Variants in LRP6 observed in about 807,000 individuals in gnomAD.
LRP6 encodes low-density lipoprotein receptor-related protein 6.
LRP6 carries 43 observed loss-of-function variants against 184.1 expected under a neutral mutation model. The ratio of observed to expected loss-of-function variants is 0.23; its 90% confidence interval spans 0.18 to 0.30. The LOEUF is 0.30. Among genes scored for constraint, LRP6 ranks in the 10% least tolerant of loss-of-function variants. LRP6 has a pLI of 1.00. For synonymous variants in LRP6, 719 were observed against 684.9 expected, an observed-to-expected ratio of 1.05 and a Z score of -0.78; for missense variants, 1,571 against 2,005.3, an observed-to-expected ratio of 0.78 and a Z score of 4.14.
At chr12:12,183,453 A>C (rs1013366897) in intron 5 of LRP6, among the ~76,000 whole-genome samples, 1 of 152,224 alleles carries the variant, frequency 6.6e-6, no homozygotes, top group Non-Finnish European at 1.5e-5. Flanking sequence ...GAACAGGCAA[A>C]GTGTGTTTCT....
intron 12 of LRP6, among the ~76,000 whole-genome samples, chr12:12,158,394 T>C (rs989911504): frequency 7.2e-5 from 11 of 152,118 alleles, no homozygotes; most frequent in Admixed American, 2.6e-4. Context: ...GGTGCCACCA[T>C]AGCTCACTGC....
intron 19 of LRP6, among the ~76,000 whole-genome samples, chr12:12,130,188 T>C (rs919736508): frequency 6.7e-6 from 1 of 149,388 alleles, no homozygotes; most frequent in Non-Finnish European, 1.5e-5. Flanking sequence ...TGAATTCTTT[T>C]CTTTTTTTTT....
intron 12 of LRP6, 97 bp downstream of exon 12, chr12:12,158,732 T>C (rs1375129646): frequency 4.1e-6 from 5 of 1,211,528 alleles, no homozygotes; most frequent in Non-Finnish European, 6.0e-6. Flanking sequence ...CCTCTGGATT[T>C]CCACACTATT....
rs1179736734 is a variant in LRP6 at position 12,159,764 on chromosome 12, A to T, written c.2464+16T>A. On this transcript the variant is annotated intron_variant, in intron 11 of 22. Coordinates refer to ENST00000261349, the MANE Select transcript of LRP6 (RefSeq NM_002336.3). ...GGAAAGAATATACTGTTTGAGTAAA[A>T]AGTAGTAAAGCTTACCAAGCATATT... 1 of 1,611,308 alleles carries T rather than the reference A, an allele frequency of 6.2e-7. No individual in the cohort carries two copies. The highest frequency in any genetic ancestry group is 8.5e-7 in the Non-Finnish European group (1 of 1,177,566).
At chr12:12,150,579 G>A (rs549199906) in intron 13 of LRP6, among the ~76,000 whole-genome samples, 9 of 152,228 alleles carry the variant, frequency 5.9e-5, no homozygotes, top group Middle Eastern at 6.8e-3. Context: ...ATAAAGAAAC[G>A]TAGGGGGCAG....
chr12:12,191,154 T>C lies in LRP6; in HGVS notation c.648-4035A>G, dbSNP rs557485313. ...TGAGGTGTTCTGGCCACTTCAAGAG[T>C]AAGTGAATACAATGAATTCATCGTC... On this transcript the variant is annotated intron_variant, in intron 3 of 22. Transcript: ENST00000261349. 3.9e-5 allele frequency among the ~76,000 whole-genome samples: 6 copies of C among 152,124 alleles called. No individual in the cohort carries two copies. The East Asian group carries it at 1.2e-3, about 29-fold the overall frequency.
intron 15 of LRP6, among the ~76,000 whole-genome samples, chr12:12,140,371 A>C (rs905930246): frequency 6.6e-6 from 1 of 152,098 alleles, no homozygotes; most frequent in South Asian, 2.1e-4. Flanking sequence ...TATAACAAAA[A>C]CACAAAGAGA....
At chr12:12,123,357 A>G (rs1034212610) in intron 22 of LRP6, among the ~76,000 whole-genome samples, 10 of 152,198 alleles carry the variant, frequency 6.6e-5, no homozygotes, top group African/African-American at 2.2e-4. Flanking sequence ...ACATTACAAC[A>G]TATCATTAAA....
chr12:12,262,010 A>T (rs1865628332), intron 1 of LRP6, among the ~76,000 whole-genome samples: 1 of 152,204 alleles, frequency 6.6e-6, no homozygotes, highest in African/African-American at 2.4e-5. Flanking sequence ...TGGGAGGCAG[A>T]GGTGGGTGGA....
At chr12:12,150,689 A>G (rs1158698282) in intron 13 of LRP6, 147 bp downstream of exon 13, 3 of 813,158 alleles carry the variant, frequency 3.7e-6, no homozygotes, top group South Asian at 1.4e-5. Context: ...CGTCAGAAGG[A>G]AAAAATAAGC....
intron 16 of LRP6, among the ~76,000 whole-genome samples, chr12:12,137,333 T>C (rs1949855618): frequency 6.6e-6 from 1 of 152,208 alleles, no homozygotes; most frequent in Admixed American, 6.5e-5. Context: ...TTTATTCCTC[T>C]CTATGATTAG....
chr12:12,191,622 T>C (rs1863618268), intron 3 of LRP6, among the ~76,000 whole-genome samples: 1 of 152,070 alleles, frequency 6.6e-6, no homozygotes, highest in Non-Finnish European at 1.5e-5. Flanking sequence ...GCCAGAAAGA[T>C]ATAGAAATAG....
At chr12:12,237,326 C>A (rs1433472083) in intron 2 of LRP6, among the ~76,000 whole-genome samples, 1 of 152,096 alleles carries the variant, frequency 6.6e-6, no homozygotes, top group Non-Finnish European at 1.5e-5. Flanking sequence ...CAGGACAGCT[C>A]TACGTTAAGG....
At chr12:12,190,402 G>A (rs1207658904) in intron 3 of LRP6, among the ~76,000 whole-genome samples, 2 of 152,138 alleles carry the variant, frequency 1.3e-5, no homozygotes, top group Non-Finnish European at 2.9e-5. Flanking sequence ...GGGGACCACA[G>A]AAAAGAAACA....
At chr12:12,191,695 T>C (rs944026789) in intron 3 of LRP6, among the ~76,000 whole-genome samples, 3 of 152,014 alleles carry the variant, frequency 2.0e-5, no homozygotes, top group Non-Finnish European at 2.9e-5. Flanking sequence ...ATACTAGTCA[T>C]AAATGAACAA....
chr12:12,181,046 A>G lies in LRP6; in HGVS notation c.1370T>C (p.Val457Ala), dbSNP rs1397699573. 1.2e-6 allele frequency: 2 copies of G among 1,614,084 alleles called. No individual in the cohort carries two copies. Among genetic ancestry groups the G allele is most frequent in the South Asian group, 2.2e-5 (2 of 91,082 alleles). The change falls in exon 6 of 23, where the codon GTT becomes GCT. Residue 457 changes from valine to alanine, a missense_variant. Around this residue, in one of 4 missense-constraint regions of LRP6, gnomAD observed 640 missense variants for 851.9 expected, o/e 0.75. Transcript: ENST00000261349. ...EPRAIVLDPMVGYMYWTDWGE... is the reference protein window; with the variant it reads ...EPRAIVLDPMAGYMYWTDWGE... ...TACTATCAGTAGAGCTTCTTACCCAACCATGGGATCTAACACAATAGCCCG... is the reference window on the plus strand; with the variant it reads ...TACTATCAGTAGAGCTTCTTACCCAGCCATGGGATCTAACACAATAGCCCG...
intron 1 of LRP6, among the ~76,000 whole-genome samples, chr12:12,260,197 T>C (rs562123531): frequency 1.2e-4 from 19 of 152,004 alleles, no homozygotes; most frequent in South Asian, 4.2e-4. Context: ...GCTAACATGG[T>C]GAAACCCCGT....
At chr12:12,236,485 G>A (rs558221856) in intron 2 of LRP6, among the ~76,000 whole-genome samples, 7 of 152,184 alleles carry the variant, frequency 4.6e-5, no homozygotes, top group East Asian at 1.9e-4. Flanking sequence ...GCGGGGTGAC[G>A]GGGGGGTTCC....
intron 10 of LRP6, among the ~76,000 whole-genome samples, chr12:12,160,624 ATTAC>A (rs917097927): frequency 1.3e-5 from 2 of 152,194 alleles, no homozygotes; most frequent in African/African-American, 4.8e-5. Context: ...TTTTAGAATA[ATTAC>A]TTTGCTGTTA....
Sources: allele counts gnomAD v4.1 joint callset (sites outside exome capture counted in the v4.1 genomes callset), GRCh38; gene constraint gnomAD v4.1.1; regional missense constraint gnomAD v4.1.1; transcripts MANE v1.5; gene names NCBI Gene and HGNC (gene_info 2026-07-23, HGNC 2026-07-21).